The following PALLD variants were observed in gnomAD, a reference collection of about 807,000 sequenced individuals.
PALLD encodes palladin, cytoskeletal associated protein.
In PALLD, 61 loss-of-function variants were observed where a neutral mutation model predicts 123.5. That is an observed-to-expected ratio of 0.49 (90% CI 0.40 to 0.61). The LOEUF is 0.61. Ranked by LOEUF, PALLD falls within the 20% of genes least tolerant of loss-of-function variation. PALLD has a pLI of 0.00. For synonymous variants in PALLD, 465 were observed against 496.4 expected (o/e 0.94, Z 0.84); for missense variants, 1,273 against 1,377.0 (o/e 0.92, Z 1.20).
chr4:168,650,837 G>T (rs1777967990), intron 2 of PALLD, among the ~76,000 whole-genome samples: 1 of 151,736 alleles, frequency 6.6e-6, no homozygotes. Context: ...TATCATATGT[G>T]TATAACAGTA....
At chr4:168,739,315 G>A (rs886678543) in intron 10 of PALLD, among the ~76,000 whole-genome samples, 1 of 151,976 alleles carries the variant, frequency 6.6e-6, no homozygotes, top group African/African-American at 2.4e-5. Context: ...ATGGTAGTTC[G>A]GTTTTTAGTT....
chr4:168,759,202 AATATAT>A lies in PALLD; in HGVS notation c.1964+47317_1964+47322del, dbSNP rs147474708. Among the ~76,000 whole-genome samples, 189 of 22,004 alleles carry A rather than the reference AATATAT, an allele frequency of 8.6e-3. 1 individual carries two copies. Among genetic ancestry groups the A allele is most frequent in the East Asian group, 0.023 (18 of 778 alleles). 14.4% of individuals were successfully genotyped at this position (22,004 alleles called of 152,430 possible). ...CTCAAAAAAAAAAAAAAAAAAAAAA[AATATAT>A]ATATATATATATATATATATATATA... is the stretch of plus-strand genomic sequence containing the variant. On this transcript the variant is annotated intron_variant, in intron 10 of 21. Coordinates refer to ENST00000505667, the MANE Select transcript of PALLD (RefSeq NM_001166108.2).
At chr4:168,870,396 C>T (rs992038945) in intron 10 of PALLD, among the ~76,000 whole-genome samples, 5 of 152,204 alleles carry the variant, frequency 3.3e-5, no homozygotes, top group Admixed American at 1.3e-4. Context: ...ATTCACAGAA[C>T]AGATTATTCA....
At chr4:168,886,116 T>G (rs1753296629) in intron 10 of PALLD, among the ~76,000 whole-genome samples, 1 of 152,182 alleles carries the variant, frequency 6.6e-6, no homozygotes, top group Admixed American at 6.5e-5. Flanking sequence ...CAAAAACTAT[T>G]AGTGTTGAGA....
chr4:168,539,000 C>A (rs1561223838), intron 2 of PALLD, among the ~76,000 whole-genome samples: 1 of 152,198 alleles, frequency 6.6e-6, no homozygotes, highest in Non-Finnish European at 1.5e-5. Flanking sequence ...GCGTGAAAAA[C>A]AGGCATTTCA....
chr4:168,735,876 C>T (rs935632410), intron 10 of PALLD, among the ~76,000 whole-genome samples: 1 of 152,184 alleles, frequency 6.6e-6, no homozygotes, highest in African/African-American at 2.4e-5. Context: ...CCTCTACCTC[C>T]CACATTTGCA....
chr4:168,592,160 G>A (rs1021776889), intron 2 of PALLD, among the ~76,000 whole-genome samples: 1 of 151,954 alleles, frequency 6.6e-6, no homozygotes, highest in Non-Finnish European at 1.5e-5. Flanking sequence ...GGGATTACAG[G>A]TGCGCACCAC....
chr4:168,811,776 TCACA>T (rs58914714), intron 10 of PALLD, among the ~76,000 whole-genome samples: 65,230 of 143,426 alleles, frequency 0.45, 15,491 homozygotes, highest in Non-Finnish European at 0.57. Flanking sequence ...TCTCTCTCTC[TCACA>T]CACACACACA....
intron 8 of PALLD, among the ~76,000 whole-genome samples, chr4:168,693,167 CTGCGTCT>C (rs1056598776): frequency 6.8e-6 from 1 of 146,948 alleles, no homozygotes; most frequent in Non-Finnish European, 1.5e-5. Context: ...ACCCTGCGCC[CTGCGTCT>C]TCATCACTTA....
At chr4:168,864,173 G>A (rs375258264) in intron 10 of PALLD, among the ~76,000 whole-genome samples, 14 of 152,232 alleles carry the variant, frequency 9.2e-5, no homozygotes, top group South Asian at 4.1e-4. Flanking sequence ...ATAGAACCAC[G>A]GGACAGTCAG....
At chr4:168,573,733 G>A (rs2149618444) in intron 2 of PALLD, among the ~76,000 whole-genome samples, 1 of 152,120 alleles carries the variant, frequency 6.6e-6, no homozygotes. Context: ...TCTTTCCTAT[G>A]GTCTGTTCAT....
At position 168,497,163 on chromosome 4, in the gene PALLD, T is replaced by C. The variant is rs952506277; in HGVS notation, c.-114T>C. The C allele has an allele frequency of 1.3e-5, 2 of 152,128 alleles. No individual in the cohort carries two copies. Among genetic ancestry groups the C allele is most frequent in the Non-Finnish European group, 2.9e-5 (2 of 68,042 alleles). 9.4% of individuals were successfully genotyped at this position (152,128 alleles called of 1,614,324 possible). On this transcript the variant is annotated 5_prime_UTR_variant, in exon 1 of 22. Coordinates refer to ENST00000505667, the MANE Select transcript of PALLD (RefSeq NM_001166108.2). ...GCTCATCTGAAATTCATCACCTCTCTGGAGTCTTCAAACTGACCAAGCATT... is the reference window on the plus strand; with the variant it reads ...GCTCATCTGAAATTCATCACCTCTCCGGAGTCTTCAAACTGACCAAGCATT...
At chr4:168,910,871 A>G (rs1184461860) in intron 15 of PALLD, among the ~76,000 whole-genome samples, 1 of 152,130 alleles carries the variant, frequency 6.6e-6, no homozygotes, top group Non-Finnish European at 1.5e-5. Context: ...GTTAAATATG[A>G]AAGAATTTTA....
chr4:168,691,407 G>A (rs1029427003), intron 8 of PALLD, 115 bp downstream of exon 8: 8 of 843,202 alleles, frequency 9.5e-6, no homozygotes, highest in South Asian at 9.2e-5. Flanking sequence ...CAATGTTTTT[G>A]TGGCTCCCTG....
intron 10 of PALLD, among the ~76,000 whole-genome samples, chr4:168,747,843 G>GT (rs1561476775): frequency 6.6e-6 from 1 of 152,140 alleles, no homozygotes; most frequent in Non-Finnish European, 1.5e-5. Flanking sequence ...TTGAGCAATT[G>GT]TAACTCCCAG....
intron 10 of PALLD, among the ~76,000 whole-genome samples, chr4:168,888,920 A>G (rs1326021808): frequency 6.6e-6 from 1 of 152,102 alleles, no homozygotes; most frequent in Non-Finnish European, 1.5e-5. Flanking sequence ...TGGCATCATG[A>G]CTTAGGAGGG....
At chr4:168,896,791 G>A (rs1755277781) in intron 13 of PALLD, among the ~76,000 whole-genome samples, 192 bp downstream of exon 13, 1 of 151,692 alleles carries the variant, frequency 6.6e-6, no homozygotes, top group South Asian at 2.1e-4. Flanking sequence ...GTATTTACCA[G>A]CTTGAATTTA....
chr4:168,711,987 GA>G (rs1298463902), intron 10 of PALLD, 64 bp downstream of exon 10: 11 of 1,456,900 alleles, frequency 7.6e-6, no homozygotes, highest in East Asian at 6.9e-5. Flanking sequence ...TGTCTGGTGA[GA>G]AAAAAACTTT....
chr4:168,573,848 C>A (rs1486975198), intron 2 of PALLD, among the ~76,000 whole-genome samples: 2 of 152,038 alleles, frequency 1.3e-5, no homozygotes, highest in African/African-American at 4.8e-5. Flanking sequence ...AGACTACTAA[C>A]ATAATCTTGA....
Sources: allele counts gnomAD v4.1 joint callset (sites outside exome capture counted in the v4.1 genomes callset), GRCh38; gene constraint gnomAD v4.1.1; transcripts MANE v1.5; gene names NCBI Gene and HGNC (gene_info 2026-07-23, HGNC 2026-07-21).